The following TTC34 variants were observed in gnomAD, a reference collection of about 807,000 sequenced individuals.
TTC34 encodes the protein tetratricopeptide repeat protein 34.
In TTC34, 44 loss-of-function variants were observed where a neutral mutation model predicts 40.7. The ratio of observed to expected loss-of-function variants is 1.08; its 90% confidence interval spans 0.85 to 1.39. The LOEUF is 1.39. Among genes scored for constraint, TTC34 ranks in the 40% most tolerant of loss-of-function variants. The pLI, the probability that TTC34 is intolerant of heterozygous loss-of-function variation, is 0.00. For synonymous variants in TTC34, 422 were observed against 398.6 expected (o/e 1.06, Z -0.70); for missense variants, 884 against 838.0 (o/e 1.05, Z -0.68).
chr1:2,787,372 T>C, intron 4 of TTC34, 109 bp downstream of exon 4: 2 of 1,044,660 alleles, frequency 1.9e-6, no homozygotes, highest in Non-Finnish European at 1.3e-6. Context: ...AGTCGCCTGG[T>C]CCAAAGCCCA....
intron 6 of TTC34, among the ~76,000 whole-genome samples, chr1:2,700,013 C>T (rs1412319998): frequency 2.5e-5 from 3 of 118,442 alleles, no homozygotes; most frequent in African/African-American, 5.4e-5. Flanking sequence ...GCGTCCACAC[C>T]CCCAGGTGAG....
rs1450235701 is a variant in TTC34 at position 2,684,638 on chromosome 1, T to A, written c.2227-39075A>T. Among the ~76,000 whole-genome samples the A allele has an allele frequency of 3.7e-3, 56 of 14,948 alleles. 4 individuals carry two copies. Among genetic ancestry groups the A allele is most frequent in the African/African-American group, 0.019 (53 of 2,858 alleles). The allele number at this position is 14,948 out of a possible 152,430, so 9.8% of individuals were successfully genotyped here. A position where few individuals can be genotyped will look rare whatever the true frequency, so the allele number is the denominator to read the frequency against. On this transcript the variant is annotated intron_variant, in intron 6 of 8. Transcript: ENST00000401095. ...GACCGCATGGAATGGCATCCTCACC[T>A]CCAGGTGAGCATCCGACAGCCTGGA...
intron 5 of TTC34, among the ~76,000 whole-genome samples, chr1:2,785,316 C>T (rs768138208): frequency 3.3e-5 from 5 of 152,152 alleles, no homozygotes; most frequent in African/African-American, 7.2e-5. Context: ...GAGATCCCTG[C>T]GAGTCCTGGG....
intron 6 of TTC34, among the ~76,000 whole-genome samples, chr1:2,757,630 C>A (rs1641549889): frequency 2.1e-5 from 3 of 143,446 alleles, no homozygotes; most frequent in African/African-American, 5.4e-5. Flanking sequence ...AGCACCCACA[C>A]CCCCAGGTGA....
chr1:2,690,511 A>C (rs1158260118), intron 6 of TTC34, among the ~76,000 whole-genome samples: 9 of 45,976 alleles, frequency 2.0e-4, no homozygotes, highest in Non-Finnish European at 2.8e-4. Flanking sequence ...CACAGATGAG[A>C]ATCTGACAGC....
intron 6 of TTC34, among the ~76,000 whole-genome samples, chr1:2,681,222 AC>A (rs1640058250): frequency 8.0e-6 from 1 of 125,394 alleles, no homozygotes; most frequent in Admixed American, 7.6e-5. Context: ...CAGCACCCAC[AC>A]CCCCAGGCGA....
chr1:2,692,236 C>T (rs1448319120), intron 6 of TTC34, among the ~76,000 whole-genome samples: 1 of 74,798 alleles, frequency 1.3e-5, no homozygotes, highest in South Asian at 4.3e-4. Context: ...CCCAGGCGAG[C>T]ATCCGACAGC....
rs1423280876 is a variant in TTC34 at position 2,688,347 on chromosome 1, A to T, written c.2227-42784T>A. Among the ~76,000 whole-genome samples the T allele has an allele frequency of 3.4e-5, 5 of 148,660 alleles. No individual in the cohort carries two copies. In the East Asian group the frequency reaches 8.2e-4, roughly 24 times the overall value. On this transcript the variant is annotated intron_variant, in intron 6 of 8. Transcript: ENST00000401095. ...CCCCACACCCCCAGGTGAGCATCGGACAGCCTGGAGCAGCACCCACACGCC... is the reference window on the plus strand; with the variant it reads ...CCCCACACCCCCAGGTGAGCATCGGTCAGCCTGGAGCAGCACCCACACGCC...
chr1:2,687,082 ACC>A (rs1640395962), intron 6 of TTC34, among the ~76,000 whole-genome samples: 2 of 140,086 alleles, frequency 1.4e-5, no homozygotes, highest in Non-Finnish European at 3.0e-5. Flanking sequence ...CAGGACCCAC[ACC>A]CCCAGGTGAA....
At chr1:2,798,137 CCAGCCTCT>C (rs1643729373) in intron 2 of TTC34, among the ~76,000 whole-genome samples, 1 of 140,768 alleles carries the variant, frequency 7.1e-6, no homozygotes, top group South Asian at 2.5e-4. Context: ...CCCCAGCCTC[CCAGCCTCT>C]CAGCCTCTTA....
intron 4 of TTC34, among the ~76,000 whole-genome samples, chr1:2,787,259 C>T (rs1643602499): frequency 6.6e-6 from 1 of 152,192 alleles, no homozygotes; most frequent in Admixed American, 6.5e-5. Context: ...GGGACCTGCC[C>T]CAGCCGATTT....
At chr1:2,749,700 T>C (rs1641254997) in intron 6 of TTC34, among the ~76,000 whole-genome samples, 3 of 81,804 alleles carry the variant, frequency 3.7e-5, no homozygotes, top group African/African-American at 6.6e-5. Context: ...GGTGAGCATC[T>C]GACAGTCTGG....
chr1:2,777,129 A>T (rs1643226271), intron 6 of TTC34, among the ~76,000 whole-genome samples: 1 of 61,894 alleles, frequency 1.6e-5, no homozygotes, highest in Non-Finnish European at 3.1e-5. Flanking sequence ...AGCACCCCAC[A>T]CCCCCAGGTG....
chr1:2,642,541 C>T (rs1638929245), intron 8 of TTC34, among the ~76,000 whole-genome samples: 1 of 152,234 alleles, frequency 6.6e-6, no homozygotes, highest in South Asian at 2.1e-4. Context: ...CCTGAGCCCA[C>T]CCAGGCCCAA....
chr1:2,693,108 T>G (rs1271850900), intron 6 of TTC34, among the ~76,000 whole-genome samples: 2 of 16,656 alleles, frequency 1.2e-4, no homozygotes, highest in African/African-American at 2.2e-4. Flanking sequence ...ACCCACACCC[T>G]CAGGTGAGCA....
intron 4 of TTC34, among the ~76,000 whole-genome samples, chr1:2,786,240 C>G (rs919442108): frequency 1.4e-4 from 22 of 152,208 alleles, no homozygotes; most frequent in African/African-American, 4.6e-4. Flanking sequence ...AGGGTCCGCC[C>G]TGTGCCATCA....
intron 6 of TTC34, among the ~76,000 whole-genome samples, chr1:2,782,280 G>T (rs918417409): frequency 4.6e-5 from 7 of 152,034 alleles, no homozygotes; most frequent in African/African-American, 1.4e-4. Context: ...TAACTGATTT[G>T]TTGGTTTACA....
At chr1:2,649,407 G>A (rs1570749882) in intron 6 of TTC34, among the ~76,000 whole-genome samples, 1 of 151,856 alleles carries the variant, frequency 6.6e-6, no homozygotes, top group South Asian at 2.1e-4. Flanking sequence ...AAACCTTCAG[G>A]TGAGCACCTG....
chr1:2,799,385 A>G (rs1057406726), intron 2 of TTC34, among the ~76,000 whole-genome samples: 3 of 152,186 alleles, frequency 2.0e-5, no homozygotes, highest in Non-Finnish European at 4.4e-5. Context: ...TCTACTAAAA[A>G]TACAAAAATT....
Sources: allele counts gnomAD v4.1 joint callset (sites outside exome capture counted in the v4.1 genomes callset), GRCh38; gene constraint gnomAD v4.1.1; transcripts MANE v1.5; gene names NCBI Gene and HGNC (gene_info 2026-07-23, HGNC 2026-07-21).